The following TPO variants were observed in gnomAD, a reference collection of about 807,000 sequenced individuals.
The protein encoded by TPO is thyroid peroxidase.
Under a neutral mutation model 96.9 loss-of-function variants are expected in TPO, and 78 were observed. That is an observed-to-expected ratio of 0.81 (90% CI 0.67 to 0.97). TPO has a LOEUF of 0.97. Ranked by LOEUF, TPO falls within the 50% of genes least tolerant of loss-of-function variation. TPO has a pLI of 0.00. For missense variants in TPO, 1,252 were observed against 1,274.8 expected (o/e 0.98, Z 0.27); for synonymous variants, 547 against 538.0 (o/e 1.02, Z -0.23).
At chr2:1,472,203 G>T (rs140507148) in intron 7 of TPO, among the ~76,000 whole-genome samples, 2 of 151,688 alleles carry the variant, frequency 1.3e-5, no homozygotes, top group Non-Finnish European at 2.9e-5. Context: ...TGCTCATGGC[G>T]TGCCCCTCCT....
At chr2:1,388,721 C>A (rs539693944) in intron 1 of TPO, among the ~76,000 whole-genome samples, 1 of 152,194 alleles carries the variant, frequency 6.6e-6, no homozygotes, top group African/African-American at 2.4e-5. Context: ...CACTGTCCTG[C>A]ACCCACTGTC....
intron 14 of TPO, among the ~76,000 whole-genome samples, chr2:1,512,664 C>CGT (rs1304934276): frequency 6.6e-6 from 1 of 152,216 alleles, no homozygotes; most frequent in East Asian, 1.9e-4. Flanking sequence ...CGACAGCTGC[C>CGT]GTGTACCTCC....
chr2:1,523,288 CT>C (rs1675604087), intron 15 of TPO, among the ~76,000 whole-genome samples: 1 of 57,286 alleles, frequency 1.7e-5, no homozygotes, highest in Non-Finnish European at 3.4e-5. Context: ...TGTGAGCAAC[CT>C]CCCCAAATCC....
intron 14 of TPO, among the ~76,000 whole-genome samples, chr2:1,513,798 A>G (rs1242826581): frequency 6.6e-6 from 1 of 152,242 alleles, no homozygotes; most frequent in African/African-American, 2.4e-5. Context: ...TGATTTAGAT[A>G]TAGATACTGA....
At chr2:1,539,776 G>A (rs535147030) in intron 15 of TPO, among the ~76,000 whole-genome samples, 1 of 151,730 alleles carries the variant, frequency 6.6e-6, no homozygotes, top group East Asian at 1.9e-4. Flanking sequence ...AGGCGGGGCG[G>A]GGAATGCTCA....
chr2:1,456,355 A>G (rs1667786457), intron 7 of TPO, 73 bp downstream of exon 7: 1 of 1,496,746 alleles, frequency 6.7e-7, no homozygotes, highest in South Asian at 1.2e-5. Context: ...AGAATGGTAT[A>G]AAACAAAATG....
intron 5 of TPO, among the ~76,000 whole-genome samples, chr2:1,453,444 C>A (rs1420251463): frequency 6.6e-6 from 1 of 152,096 alleles, no homozygotes; most frequent in East Asian, 1.9e-4. Flanking sequence ...CAGGCAGCCA[C>A]CTCCAGACAG....
chr2:1,488,765 TGCCCTGCCCC>T (rs1193025457), intron 10 of TPO, among the ~76,000 whole-genome samples: 1 of 152,192 alleles, frequency 6.6e-6, no homozygotes, highest in Non-Finnish European at 1.5e-5. Flanking sequence ...TGGCAAGTCC[TGCCCTGCCCC>T]GTCCCTGGGC....
At chr2:1,526,695 C>G (rs1676592613) in intron 15 of TPO, among the ~76,000 whole-genome samples, 1 of 91,162 alleles carries the variant, frequency 1.1e-5, no homozygotes, top group Non-Finnish European at 2.4e-5. Context: ...AAATCCCCCC[C>G]CCACTGTATG....
intron 7 of TPO, 86 bp from the exon 8 acceptor site, chr2:1,477,000 G>A (rs867267299): frequency 6.7e-6 from 10 of 1,487,098 alleles, no homozygotes; most frequent in Non-Finnish European, 8.1e-6. Flanking sequence ...GCGGCGCTGC[G>A]GGGTCGTCGC....
At chr2:1,487,648 C>T (rs28911483) in intron 9 of TPO, among the ~76,000 whole-genome samples, 173 bp from the exon 10 acceptor site, 1 of 151,922 alleles carries the variant, frequency 6.6e-6, no homozygotes, top group Non-Finnish European at 1.5e-5. Flanking sequence ...GAGGCAGGAG[C>T]ATGGCGTGAA....
chr2:1,506,599 C>T (rs1391843503), intron 14 of TPO, among the ~76,000 whole-genome samples: 1 of 152,190 alleles, frequency 6.6e-6, no homozygotes, highest in African/African-American at 2.4e-5. Flanking sequence ...GATGGTATCT[C>T]ATTGTGGTTT....
At chr2:1,421,442 C>T (rs1397025896) in intron 2 of TPO, among the ~76,000 whole-genome samples, 1 of 152,200 alleles carries the variant, frequency 6.6e-6, no homozygotes, top group Non-Finnish European at 1.5e-5. Flanking sequence ...CCGCGTCACT[C>T]GGAGATTGAT....
intron 7 of TPO, among the ~76,000 whole-genome samples, chr2:1,463,825 C>T (rs969043973): frequency 3.9e-5 from 6 of 152,220 alleles, no homozygotes; most frequent in African/African-American, 1.2e-4. Flanking sequence ...CAAGCCTCCT[C>T]ATGCACACCA....
chr2:1,427,803 A>G (rs776501669), intron 3 of TPO, among the ~76,000 whole-genome samples: 6 of 152,112 alleles, frequency 3.9e-5, no homozygotes, highest in Non-Finnish European at 7.4e-5. Context: ...GCATTCAGGG[A>G]CCATTTCCAA....
At chr2:1,468,396 C>A (rs962490383) in intron 7 of TPO, among the ~76,000 whole-genome samples, 10 of 152,046 alleles carry the variant, frequency 6.6e-5, no homozygotes, top group Admixed American at 5.9e-4. Flanking sequence ...GTAGTGCTGC[C>A]TTGGTAGGGG....
At chr2:1,539,810 C>T (rs1680510494) in intron 15 of TPO, among the ~76,000 whole-genome samples, 1 of 143,536 alleles carries the variant, frequency 7.0e-6, no homozygotes, top group Non-Finnish European at 1.5e-5. Flanking sequence ...TGGTGCCATG[C>T]AGAGTTCAGG....
chr2:1,477,464 G>T lies in TPO; in HGVS notation c.1198G>T (p.Val400Phe), dbSNP rs1320267937. The change falls in exon 8 of 17, where the codon GTC becomes TTC. Residue 400 changes from valine to phenylalanine, a missense_variant. By Grantham distance (50) the Val-to-Phe change is conservative. Coordinates refer to ENST00000329066, the MANE Select transcript of TPO (RefSeq NM_001206744.2). ...GGCCGGAGACGGCCGCGCCAGCGAG[G>T]TCCCCTCCCTGACGGCACTGCACAC... is the stretch of plus-strand genomic sequence containing the variant. ...FLAGDGRASE[V>F]PSLTALHTLW... 3 of 1,527,776 alleles carry T rather than the reference G, an allele frequency of 2.0e-6. No homozygotes were observed. Among genetic ancestry groups the T allele is most frequent in the Non-Finnish European group, 2.6e-6 (3 of 1,142,966 alleles). The allele number at this position is 1,527,776 out of a possible 1,614,324, so 94.6% of individuals were successfully genotyped here.
At position 1,542,585 on chromosome 2, in the gene TPO, A is replaced by G. The variant is rs758371696; in HGVS notation, c.*111A>G. On this transcript the variant is annotated 3_prime_UTR_variant, in exon 17 of 17. Transcript: ENST00000329066. ...TCAGCAGGACGACTGTTTTCCCAAC[A>G]CGGGTAAATCTAGTACCATGTCGTA... 18 of 1,565,824 alleles carry G rather than the reference A, an allele frequency of 1.1e-5. No individual in the cohort carries two copies. Among genetic ancestry groups the G allele is most frequent in the Non-Finnish European group, 1.6e-5 (18 of 1,154,298 alleles).
Sources: allele counts gnomAD v4.1 joint callset (sites outside exome capture counted in the v4.1 genomes callset), GRCh38; gene constraint gnomAD v4.1.1; transcripts MANE v1.5; gene names NCBI Gene and HGNC (gene_info 2026-07-23, HGNC 2026-07-21).